The following SPMAP1 variants were observed in gnomAD, a reference collection of about 807,000 sequenced individuals.
SPMAP1 encodes the protein uncharacterized protein C17orf98.
chr17:38,836,654 G>A, the SPMAP1 span, among the ~76,000 whole-genome samples: 1 of 139,884 alleles, frequency 7.1e-6, no homozygotes, highest in East Asian at 2.1e-4. Flanking sequence ...GCAGTGGCAC[G>A]ATCTTGGCAC....
At chr17:38,835,169 T>TA in the SPMAP1 span, 1 of 1,612,430 alleles carries the variant, frequency 6.2e-7, no homozygotes, top group Non-Finnish European at 8.5e-7. Context: ...GGTCGATGGC[T>TA]ATGAAGGGAA....
the SPMAP1 span, among the ~76,000 whole-genome samples, chr17:38,840,005 A>G: frequency 1.3e-5 from 2 of 152,186 alleles, no homozygotes; most frequent in Non-Finnish European, 2.9e-5. Context: ...AAATACTGGA[A>G]GCAAAATGTT....
chr17:38,835,487 T>G, the SPMAP1 span: 1 of 890,142 alleles, frequency 1.1e-6, no homozygotes, highest in African/African-American at 1.7e-5. Flanking sequence ...ACAAGTGTCC[T>G]GAGACTCTGG....
chr17:38,841,092 G>C, the SPMAP1 span: 1 of 805,830 alleles, frequency 1.2e-6, no homozygotes, highest in South Asian at 2.0e-5. Context: ...AGTAAACCGA[G>C]GAGGTGAAAG....
the SPMAP1 span, chr17:38,837,093 C>T: frequency 7.4e-7 from 1 of 1,346,152 alleles, no homozygotes; most frequent in Non-Finnish European, 1.1e-6. Flanking sequence ...CCAGGCCTTG[C>T]TATGGCCCAG....
At chr17:38,839,615 G>A in the SPMAP1 span, among the ~76,000 whole-genome samples, 1 of 151,898 alleles carries the variant, frequency 6.6e-6, no homozygotes, top group Non-Finnish European at 1.5e-5. Flanking sequence ...GTGAAACCCC[G>A]TCTCTACTAT....
chr17:38,840,201 T>C, the SPMAP1 span, among the ~76,000 whole-genome samples: 1 of 152,270 alleles, frequency 6.6e-6, no homozygotes, highest in East Asian at 1.9e-4. Flanking sequence ...GCAAGCCCCA[T>C]GCCCTGCCAC....
chr17:38,835,438 G>C, the SPMAP1 span: 5 of 1,375,732 alleles, frequency 3.6e-6, no homozygotes, highest in Non-Finnish European at 4.1e-6. Context: ...TGCCAACCAG[G>C]CGTAGTCACT....
At chr17:38,837,431 C>G in the SPMAP1 span, among the ~76,000 whole-genome samples, 1 of 152,130 alleles carries the variant, frequency 6.6e-6, no homozygotes, top group Non-Finnish European at 1.5e-5. Flanking sequence ...AATCCCAGCA[C>G]TTTGGAAGGC....
the SPMAP1 span, among the ~76,000 whole-genome samples, chr17:38,836,780 G>T: frequency 6.6e-6 from 1 of 151,604 alleles, no homozygotes. Context: ...ATTTTTAGTA[G>T]AGACAGGGTT....
chr17:38,837,022 A>T, the SPMAP1 span: 1 of 740,176 alleles, frequency 1.4e-6, no homozygotes, highest in African/African-American at 1.7e-5. Context: ...CTGTGGCACC[A>T]TCTGCTCATG....
At chr17:38,837,402 T>A in the SPMAP1 span, among the ~76,000 whole-genome samples, 4 of 152,132 alleles carry the variant, frequency 2.6e-5, no homozygotes, top group Non-Finnish European at 5.9e-5. Context: ...CCAGACCGGG[T>A]GCAGTGGCTC....
the SPMAP1 span, among the ~76,000 whole-genome samples, chr17:38,839,250 C>T: frequency 6.6e-6 from 1 of 151,536 alleles, no homozygotes; most frequent in Non-Finnish European, 1.5e-5. Context: ...TGGCTCATGC[C>T]TATAGTCCCA....
chr17:38,835,831 A>G, the SPMAP1 span, among the ~76,000 whole-genome samples: 5 of 152,144 alleles, frequency 3.3e-5, no homozygotes, highest in African/African-American at 9.6e-5. Context: ...ACTCTTTCCC[A>G]TTGTTGTTAA....
At chr17:38,835,167 G>A in the SPMAP1 span, 4 of 1,611,720 alleles carry the variant, frequency 2.5e-6, no homozygotes, top group Non-Finnish European at 3.4e-6. Flanking sequence ...CAGGTCGATG[G>A]CTATGAAGGG....
At chr17:38,837,207 C>T in the SPMAP1 span, 1 of 1,613,890 alleles carries the variant, frequency 6.2e-7, no homozygotes, top group African/African-American at 1.3e-5. Flanking sequence ...ATGTAGTCTA[C>T]TATCCAGCCA....
At chr17:38,836,629 C>T in the SPMAP1 span, among the ~76,000 whole-genome samples, 4 of 139,694 alleles carry the variant, frequency 2.9e-5, no homozygotes, top group South Asian at 2.2e-4. Flanking sequence ...CTCGCTGCAT[C>T]GCCCAGGCTG....
chr17:38,835,190 T>C, the SPMAP1 span: 1 of 1,614,140 alleles, frequency 6.2e-7, no homozygotes, highest in Admixed American at 1.7e-5. Context: ...AAGATGCTGT[T>C]AGAACAGAGG....
chr17:38,840,398 C>T, the SPMAP1 span, among the ~76,000 whole-genome samples: 1 of 152,064 alleles, frequency 6.6e-6, no homozygotes, highest in Non-Finnish European at 1.5e-5. Flanking sequence ...TGGCTTTGAG[C>T]CCTATCCCCT....
Sources: allele counts gnomAD v4.1 joint callset (sites outside exome capture counted in the v4.1 genomes callset), GRCh38; gene constraint gnomAD v4.1.1; transcripts MANE v1.5; gene names NCBI Gene and HGNC (gene_info 2026-07-23, HGNC 2026-07-21).